Variants in SAXO4 observed in about 807,000 individuals in gnomAD.
SAXO4 encodes the protein stabilizer of axonemal microtubules 4.
the SAXO4 span, chr11:61,487,105 CT>C: frequency 1.2e-6 from 2 of 1,612,816 alleles, no homozygotes; most frequent in Non-Finnish European, 1.7e-6. Context: ...ATCCCCACCC[CT>C]TCTGACTTGA....
At chr11:61,489,516 C>G in the SAXO4 span, 1 of 578,930 alleles carries the variant, frequency 1.7e-6, no homozygotes, top group Non-Finnish European at 3.1e-6. Flanking sequence ...GGTCCCCACC[C>G]CAAGGTACTG....
At chr11:61,483,074 G>A in the SAXO4 span, among the ~76,000 whole-genome samples, 11 of 140,316 alleles carry the variant, frequency 7.8e-5, no homozygotes, top group African/African-American at 1.6e-4. Flanking sequence ...TCACACTCCC[G>A]TCCACACCTG....
chr11:61,487,143 C>T, the SAXO4 span: 2 of 1,613,842 alleles, frequency 1.2e-6, no homozygotes, highest in East Asian at 4.5e-5. Context: ...CCCTCTTGTG[C>T]AGGAGCCCAC....
chr11:61,485,943 G>C, the SAXO4 span: 3 of 1,501,236 alleles, frequency 2.0e-6, no homozygotes, highest in Non-Finnish European at 2.8e-6. Context: ...TAGAACTTTA[G>C]GGGGCTTGAA....
chr11:61,484,395 C>A, the SAXO4 span, among the ~76,000 whole-genome samples: 1 of 152,176 alleles, frequency 6.6e-6, no homozygotes, highest in Non-Finnish European at 1.5e-5. Flanking sequence ...GTGGTCCAGG[C>A]AGTGCCAACA....
chr11:61,485,264 C>A, the SAXO4 span: 1 of 1,355,522 alleles, frequency 7.4e-7, no homozygotes. Flanking sequence ...ACCGAGGCGC[C>A]ACTCCACCGC....
At chr11:61,482,622 C>T in the SAXO4 span, 32 of 1,612,258 alleles carry the variant, frequency 2.0e-5, no homozygotes, top group Middle Eastern at 1.6e-4. Context: ...CAGAGGCAGG[C>T]GGCCTGGGGT....
At chr11:61,490,124 T>C in the SAXO4 span, among the ~76,000 whole-genome samples, 4,079 of 152,152 alleles carry the variant, frequency 0.027, 135 homozygotes, top group African/African-American at 0.076. Context: ...CCTCCTCTCC[T>C]TCCAGTGACC....
chr11:61,486,966 GAA>G, the SAXO4 span: 1 of 1,614,072 alleles, frequency 6.2e-7, no homozygotes, highest in South Asian at 1.1e-5. Context: ...TCCCTGCCCA[GAA>G]CCCAGCAGCG....
chr11:61,484,566 AT>A, the SAXO4 span: 1 of 1,291,518 alleles, frequency 7.7e-7, no homozygotes. Context: ...TGCAGGTTTC[AT>A]TGTAAAAGGA....
chr11:61,489,991 A>G, the SAXO4 span: 1 of 1,555,670 alleles, frequency 6.4e-7, no homozygotes, highest in African/African-American at 1.4e-5. Context: ...CCCCTCATCC[A>G]GGCCGTGTGC....
the SAXO4 span, among the ~76,000 whole-genome samples, chr11:61,488,277 G>A: frequency 6.8e-6 from 1 of 146,402 alleles, no homozygotes; most frequent in African/African-American, 2.5e-5. Flanking sequence ...ATGAGCCACC[G>A]TGTCCTGCCA....
At chr11:61,485,841 G>T in the SAXO4 span, 2 of 1,614,008 alleles carry the variant, frequency 1.2e-6, no homozygotes, top group South Asian at 2.2e-5. Context: ...GAGGGGAGTG[G>T]CTTCACCAAA....
At chr11:61,484,659 C>T in the SAXO4 span, 1 of 1,611,540 alleles carries the variant, frequency 6.2e-7, no homozygotes, top group Non-Finnish European at 8.5e-7. Flanking sequence ...GCCGCCCCCT[C>T]ACTTGTAATT....
At chr11:61,484,305 G>A in the SAXO4 span, among the ~76,000 whole-genome samples, 7 of 152,166 alleles carry the variant, frequency 4.6e-5, no homozygotes, top group Admixed American at 1.3e-4. Flanking sequence ...CGGGAGGGTC[G>A]GGAAAGAGCT....
At chr11:61,481,907 G>A in the SAXO4 span, 2 of 1,582,240 alleles carry the variant, frequency 1.3e-6, no homozygotes, top group Non-Finnish European at 1.7e-6. Flanking sequence ...ACCAGCTACT[G>A]CACCGCCTAC....
the SAXO4 span, chr11:61,482,873 C>T: frequency 1.4e-6 from 2 of 1,476,044 alleles, no homozygotes; most frequent in Non-Finnish European, 1.8e-6. Flanking sequence ...GGCTGCACTG[C>T]CAACAGTTGG....
the SAXO4 span, chr11:61,482,470 T>A: frequency 2.5e-6 from 4 of 1,585,474 alleles, no homozygotes; most frequent in East Asian, 9.0e-5. Context: ...GCCCTGCTCA[T>A]CAGACCAACT....
At chr11:61,489,639 G>C in the SAXO4 span, 3 of 800,840 alleles carry the variant, frequency 3.7e-6, no homozygotes, top group African/African-American at 3.4e-5. Context: ...CCCAGTGGAC[G>C]TGGGCTTAGG....
Sources: gnomAD v4.1 joint callset for allele counts (sites outside exome capture counted in the v4.1 genomes callset) on GRCh38, gnomAD v4.1.1 for gene constraint, MANE v1.5 for transcripts, NCBI Gene and HGNC (gene_info 2026-07-23, HGNC 2026-07-21) for gene names.